The following SORCS3 variants were observed in gnomAD, a reference collection of about 807,000 sequenced individuals.
SORCS3 encodes sortilin related VPS10 domain containing receptor 3.
Under a neutral mutation model 146.3 loss-of-function variants are expected in SORCS3, and 57 were observed. The observed-to-expected ratio is 0.39, with a 90% confidence interval of 0.31 to 0.49. SORCS3 has a LOEUF of 0.49. Among genes scored for constraint, SORCS3 ranks in the 20% least tolerant of loss-of-function variants. The pLI is 0.92. For synonymous variants in SORCS3, 653 were observed against 618.5 expected, an observed-to-expected ratio of 1.06 and a Z score of -0.83; for missense variants, 1,341 against 1,575.5, an observed-to-expected ratio of 0.85 and a Z score of 2.52.
In SORCS3 at chr10:105,245,575, A is replaced by G. The variant is rs2056860675; in HGVS notation, c.2902A>G (p.Thr968Ala). The G allele has an allele frequency of 2.5e-6, 4 of 1,614,010 alleles. No homozygotes were observed. The Admixed American group carries it at 5.0e-5, about 20-fold the overall frequency. The change falls in exon 21 of 27, where the codon ACA becomes GCA. Residue 968 changes from threonine to alanine, a missense_variant. By Grantham distance (58) the Thr-to-Ala change is moderately conservative. Coordinates refer to ENST00000369701, the MANE Select transcript of SORCS3 (RefSeq NM_014978.3). ...LITLDSSISF[T>A]FLAEGTDTIT... is the part of the protein sequence containing the mutation. ...CACTTTGGACAGCAGCATTTCCTTC[A>G]CATTCCTTGCAGAAGGAACCGACAC...
chr10:104,835,230 C>T (rs1295839772), intron 1 of SORCS3, among the ~76,000 whole-genome samples: 1 of 152,158 alleles, frequency 6.6e-6, no homozygotes, highest in African/African-American at 2.4e-5. Context: ...GATGCCAAGA[C>T]TCACAAGACT....
intron 26 of SORCS3, 22 bp from the exon 27 acceptor site, chr10:105,263,288 C>G: frequency 6.2e-7 from 1 of 1,613,036 alleles, no homozygotes; most frequent in Non-Finnish European, 8.5e-7. Context: ...CCATTTCTCC[C>G]TGTGTCTTCT....
chr10:105,074,648 G>A (rs1482062170), intron 5 of SORCS3, among the ~76,000 whole-genome samples: 2 of 152,150 alleles, frequency 1.3e-5, no homozygotes, highest in Non-Finnish European at 2.9e-5. Flanking sequence ...TCCCCATATG[G>A]TTACAACCTC....
intron 1 of SORCS3, among the ~76,000 whole-genome samples, chr10:104,833,818 C>T (rs4917430): frequency 0.097 from 14,812 of 152,228 alleles, 918 homozygotes; most frequent in South Asian, 0.24. Context: ...GAACCCCAGA[C>T]TCATTTATCC....
At chr10:105,014,007 AC>A (rs2055149894) in intron 4 of SORCS3, among the ~76,000 whole-genome samples, 1 of 150,216 alleles carries the variant, frequency 6.7e-6, no homozygotes, top group Non-Finnish European at 1.5e-5. Context: ...ACACACACAC[AC>A]AGGCATGGGA....
At chr10:104,887,955 G>C (rs893979306) in intron 2 of SORCS3, among the ~76,000 whole-genome samples, 2 of 129,264 alleles carry the variant, frequency 1.5e-5, no homozygotes, top group African/African-American at 7.1e-5. Context: ...CAACATGGTG[G>C]GGGCGGGGGG....
intron 9 of SORCS3, among the ~76,000 whole-genome samples, chr10:105,148,174 G>A (rs1452314460): frequency 6.6e-6 from 1 of 152,008 alleles, no homozygotes; most frequent in Non-Finnish European, 1.5e-5. Context: ...AGGGAGTGGT[G>A]CTACTTATGT....
chr10:105,147,732 T>G lies in SORCS3; in HGVS notation c.1418T>G (p.Leu473Arg). 1 of 1,613,158 alleles carries G rather than the reference T, an allele frequency of 6.2e-7. No individual in the cohort carries two copies. The highest frequency in any genetic ancestry group is 8.5e-7 in the Non-Finnish European group (1 of 1,179,338). ...GACACGCGTGGGATTTACTTCACTC[T>G]GGCCATGGAGAACATCAAGAGCAGC... is the stretch of plus-strand genomic sequence containing the variant. ...ISDTRGIYFTLAMENIKSSRG... is the reference protein window; with the variant it reads ...ISDTRGIYFTRAMENIKSSRG... The change falls in exon 9 of 27, where the codon CTG (leucine) becomes CGG (arginine). Residue 473 changes from leucine (L) to arginine (R), a missense_variant. Leu to Arg is a moderately radical substitution (Grantham distance 102). Coordinates refer to ENST00000369701, the MANE Select transcript of SORCS3 (RefSeq NM_014978.3).
intron 2 of SORCS3, among the ~76,000 whole-genome samples, chr10:104,887,229 G>C (rs1399847833): frequency 6.6e-6 from 1 of 152,200 alleles, no homozygotes. Flanking sequence ...ATTGTGGACT[G>C]CAGTGGTTGG....
chr10:104,983,820 C>G (rs2054945900), intron 4 of SORCS3, among the ~76,000 whole-genome samples: 1 of 151,978 alleles, frequency 6.6e-6, no homozygotes, highest in African/African-American at 2.4e-5. Flanking sequence ...CACTTATGCT[C>G]CCTCCATTCT....
chr10:104,963,371 A>G (rs550716444), intron 3 of SORCS3, among the ~76,000 whole-genome samples: 1 of 152,278 alleles, frequency 6.6e-6, no homozygotes, highest in African/African-American at 2.4e-5. Context: ...GCCAATTCTC[A>G]GTACTCTTTA....
intron 20 of SORCS3, among the ~76,000 whole-genome samples, chr10:105,229,810 G>A (rs1008271988): frequency 4.6e-5 from 7 of 152,148 alleles, no homozygotes; most frequent in African/African-American, 1.7e-4. Flanking sequence ...GTGTTAGAAG[G>A]CCCAACTGCA....
chr10:105,041,176 C>G (rs2055335468), intron 4 of SORCS3, among the ~76,000 whole-genome samples: 1 of 148,540 alleles, frequency 6.7e-6, no homozygotes, highest in Non-Finnish European at 1.5e-5. Context: ...CTGATATAAT[C>G]TGAAGGCCAT....
Position 105,264,288 on chromosome 10 carries a change from G to A in SORCS3, c.*914G>A, listed in dbSNP as rs1224188813. The A allele has an allele frequency of 6.6e-6, 1 of 152,142 alleles. No homozygotes were observed. The highest frequency in any genetic ancestry group is 1.9e-4 in the East Asian group (1 of 5,194). 9.4% of individuals were successfully genotyped at this position (152,142 alleles called of 1,614,324 possible). A position where few individuals can be genotyped will look rare whatever the true frequency, so the allele number is the denominator to read the frequency against. ...AGAGGCTTCATACTGAGACCCAGAT[G>A]GGGGAAAACAGCTTCCTCTCTAAAA... On this transcript the variant is annotated 3_prime_UTR_variant, in exon 27 of 27. Transcript: ENST00000369701.
chr10:105,174,104 C>T (rs2056381131), intron 13 of SORCS3, among the ~76,000 whole-genome samples: 3 of 152,120 alleles, frequency 2.0e-5, no homozygotes, highest in Admixed American at 6.6e-5. Flanking sequence ...TTTCTGTATC[C>T]CTAGAACTGA....
At chr10:104,753,580 C>T (rs774182987) in intron 1 of SORCS3, among the ~76,000 whole-genome samples, 8 of 152,206 alleles carry the variant, frequency 5.3e-5, no homozygotes, top group Admixed American at 1.3e-4. Context: ...TAATACTATA[C>T]GAATGATTAA....
chr10:104,891,691 CT>C (rs1432481356), intron 2 of SORCS3, among the ~76,000 whole-genome samples: 1 of 152,160 alleles, frequency 6.6e-6, no homozygotes, highest in Non-Finnish European at 1.5e-5. Context: ...AATTCACTCT[CT>C]GTTACTCCCT....
chr10:104,961,330 C>T (rs1321227916), intron 3 of SORCS3, among the ~76,000 whole-genome samples: 1 of 152,152 alleles, frequency 6.6e-6, no homozygotes, highest in Non-Finnish European at 1.5e-5. Context: ...TCCTATTTAA[C>T]CTGCGCCTTA....
intron 4 of SORCS3, among the ~76,000 whole-genome samples, chr10:105,031,008 T>C (rs1339803491): frequency 6.6e-6 from 1 of 151,818 alleles, no homozygotes; most frequent in Non-Finnish European, 1.5e-5. Context: ...AAAACATGTA[T>C]GTTTGGCCAT....
Sources: gnomAD v4.1 joint callset for allele counts (sites outside exome capture counted in the v4.1 genomes callset) on GRCh38, gnomAD v4.1.1 for gene constraint, MANE v1.5 for transcripts, NCBI Gene and HGNC (gene_info 2026-07-23, HGNC 2026-07-21) for gene names.